The following NAA10 variants were observed in gnomAD, a reference collection of about 807,000 sequenced individuals.
NAA10 encodes the protein N-alpha-acetyltransferase 10.
Under a neutral mutation model 19.2 loss-of-function variants are expected in NAA10, and 6 were observed. That is an observed-to-expected ratio of 0.31 (90% CI 0.17 to 0.62). The LOEUF is 0.62. Among genes scored for constraint, NAA10 ranks in the 20% least tolerant of loss-of-function variants. NAA10 has a pLI of 0.83. For missense variants in NAA10, 101 were observed against 198.4 expected, an observed-to-expected ratio of 0.51 and a Z score of 2.95; for synonymous variants, 97 against 79.9, an observed-to-expected ratio of 1.21 and a Z score of -1.14.
intron 3 of NAA10, 65 bp from the exon 4 acceptor site, chrX:153,932,649 C>T (rs1312378989): frequency 9.6e-7 from 1 of 1,045,590 alleles, no homozygotes; most frequent in African/African-American, 1.9e-5. Context: ...TCCAGCCCCC[C>T]TGCCATTTGT....
intron 2 of NAA10, 171 bp from the exon 3 acceptor site, chrX:153,934,172 G>T (rs1487253725): frequency 3.6e-6 from 2 of 554,051 alleles, no homozygotes; most frequent in Non-Finnish European, 6.1e-6. Context: ...GAAAGAAGAC[G>T]CAAAGTGGGG....
Position 153,934,386 on chromosome X carries a change from G to C in NAA10, c.111C>G (p.Ser37=). 1 of 1,203,297 alleles carries C rather than the reference G, an allele frequency of 8.3e-7. No individual in the cohort carries two copies. The highest frequency in any genetic ancestry group is 1.1e-6 in the Non-Finnish European group (1 of 889,815). The change falls in exon 2 of 8, where the codon TCC becomes TCG. Residue 37 remains serine, a synonymous_variant. Coordinates refer to ENST00000464845, the MANE Select transcript of NAA10 (RefSeq NM_003491.4). The part of the protein sequence containing the change: ...QMKYYFYHGL[S]WPQLSYIAED... Reference sequence around the variant, plus strand: ...TTCAGAAGCTGCCCACCTGGGGCCAGGAAAGGCCATGGTAGAAGTAGTATT... The same window carrying C: ...TTCAGAAGCTGCCCACCTGGGGCCACGAAAGGCCATGGTAGAAGTAGTATT...
chrX:153,934,650 G>A (rs2065186627), intron 1 of NAA10, 175 bp from the exon 2 acceptor site: 2 of 563,687 alleles, frequency 3.5e-6, no homozygotes, highest in Admixed American at 5.4e-5. Flanking sequence ...GCGCCCCGGA[G>A]GTCCCCGGAG....
chrX:153,931,426 C>A, intron 6 of NAA10: 1 of 813,431 alleles, frequency 1.2e-6, no homozygotes, highest in South Asian at 4.7e-5. Context: ...AGCCCAGAGG[C>A]CACCGCCCTT....
intron 1 of NAA10, 48 bp downstream of exon 1, chrX:153,934,836 G>A (rs1368667866): frequency 1.0e-5 from 10 of 978,721 alleles, no homozygotes; most frequent in Non-Finnish European, 1.2e-5. Flanking sequence ...GCAGCCACCC[G>A]GCCCGGCGCC....
intron 2 of NAA10, 167 bp downstream of exon 2, chrX:153,934,210 G>A: frequency 1.8e-6 from 1 of 558,349 alleles, no homozygotes; most frequent in South Asian, 2.6e-5. Context: ...TGCTCCCTTC[G>A]GGCGCCTTCT....
intron 3 of NAA10, chrX:153,932,890 A>G: frequency 2.9e-6 from 1 of 339,606 alleles, no homozygotes; most frequent in East Asian, 5.4e-5. Context: ...CTCTACAAAA[A>G]AAAAATCAAA....
At chrX:153,934,082 G>A in intron 2 of NAA10, 81 bp from the exon 3 acceptor site, 1 of 947,650 alleles carries the variant, frequency 1.1e-6, no homozygotes, top group Non-Finnish European at 1.5e-6. Flanking sequence ...TGGACGAGTG[G>A]CGAGTTGTGT....
At chrX:153,930,713 T>A (rs1557107251) in intron 7 of NAA10, 50 bp downstream of exon 7, 3 of 1,170,496 alleles carry the variant, frequency 2.6e-6, no homozygotes, top group Non-Finnish European at 3.5e-6. Context: ...GTCTTGGGGC[T>A]CCTGAGTGCC....
intron 1 of NAA10, 170 bp downstream of exon 1, chrX:153,934,714 C>A: frequency 1.6e-5 from 10 of 631,180 alleles, no homozygotes; most frequent in Non-Finnish European, 1.9e-5. Context: ...GCAGCCCCGG[C>A]CCCGCGCCCC....
At chrX:153,931,389 G>T in intron 6 of NAA10, 1 of 823,979 alleles carries the variant, frequency 1.2e-6, no homozygotes, top group African/African-American at 2.2e-5. Context: ...TCGTCATCTG[G>T]GTCACAGATC....
Position 153,934,899 on chromosome X carries a change from G to A in NAA10, c.6C>T (p.Asn2=), listed in dbSNP as rs1557108104. The A allele has an allele frequency of 3.0e-6, 3 of 1,008,636 alleles. No individual in the cohort carries two copies. The highest frequency in any genetic ancestry group is 2.0e-5 in the African/African-American group (1 of 50,220). 83.1% of individuals were successfully genotyped at this position (1,008,636 alleles called of 1,213,427 possible). A position where few individuals can be genotyped will look rare whatever the true frequency, so the allele number is the denominator to read the frequency against. The change falls in exon 1 of 8, where the codon AAC becomes AAT. Residue 2 remains asparagine, a synonymous_variant. Coordinates refer to ENST00000464845, the MANE Select transcript of NAA10 (RefSeq NM_003491.4). ...GGGCGCTCACCCTCGCATTGCGGAT[G>A]TTCATAACGGCGGCGGGGCTCGCGG... M[N]IRNARPEDLM... is the part of the protein sequence containing the mutation.
At position 153,934,467 on chromosome X, in the gene NAA10, G is replaced by A; in HGVS notation, c.30C>T (p.Asp10=). 1 of 1,199,077 alleles carries A rather than the reference G, an allele frequency of 8.3e-7. No individual in the cohort carries two copies. The highest frequency in any genetic ancestry group is 1.1e-6 in the Non-Finnish European group (1 of 887,255). Residue 10 remains aspartate, a synonymous_variant, in exon 2 of 8, where the codon GAC becomes GAT. Transcript: ENST00000464845. MNIRNARPE[D]LMNMQHCNLL... is the part of the protein sequence containing the mutation. ...GGTTGCAGTGCTGCATGTTCATTAG[G>A]TCCTCTGGCTGCAGGGAAGGAGGGC...
At chrX:153,934,539 C>T in intron 1 of NAA10, 64 bp from the exon 2 acceptor site, 1 of 914,922 alleles carries the variant, frequency 1.1e-6, no homozygotes, top group Non-Finnish European at 1.6e-6. Flanking sequence ...GGGTGAGAAG[C>T]CTGCTCCCCG....
rs1472485628 is a variant in NAA10, at chrX:153,929,747, T to C, written c.*240A>G. ...TCTCTCCCATAAGTCCAGGGCCTCC[T>C]TCCCCGGGGCCACAGCTGCTGAAGG... is the stretch of plus-strand genomic sequence containing the variant. On this transcript the variant is annotated 3_prime_UTR_variant, in exon 8 of 8. Transcript: ENST00000464845. 5 of 426,942 alleles carry C rather than the reference T, an allele frequency of 1.2e-5. No homozygotes were observed. In the East Asian group the frequency reaches 1.9e-4, roughly 16 times the overall value. The allele number at this position is 426,942 out of a possible 1,213,427, so 35.2% of individuals were successfully genotyped here. A position where few individuals can be genotyped will look rare whatever the true frequency, so the allele number is the denominator to read the frequency against.
At chrX:153,931,637 C>T (rs1184063977) in intron 6 of NAA10, 13 of 852,517 alleles carry the variant, frequency 1.5e-5, no homozygotes, top group Non-Finnish European at 1.9e-5. Flanking sequence ...CACTAGGCTG[C>T]CTGGCCACTG....
At chrX:153,930,393 C>T (rs2065159760) in intron 7 of NAA10, 170 bp from the exon 8 acceptor site, 4 of 507,311 alleles carry the variant, frequency 7.9e-6, no homozygotes, top group South Asian at 2.7e-5. Flanking sequence ...CCCAGTCCAC[C>T]GCTACCTGGG....
At position 153,932,442 on chromosome X, in the gene NAA10, A is replaced by G. The variant is rs782177716; in HGVS notation, c.226-11T>C. The G allele has an allele frequency of 4.1e-6, 5 of 1,207,074 alleles. No individual in the cohort carries two copies. The Admixed American group carries it at 1.1e-4, about 26-fold the overall frequency. ...GGAACGCTTCACAGCCTGGTGGGAG[A>G]AGAGCAGAGATGGGGTGAGGGACTG... On this transcript the variant is annotated splice_polypyrimidine_tract_variant and intron_variant, in intron 4 of 7. Coordinates refer to ENST00000464845, the MANE Select transcript of NAA10 (RefSeq NM_003491.4).
chrX:153,933,903 CA>C, intron 3 of NAA10, 39 bp downstream of exon 3: 1 of 1,143,139 alleles, frequency 8.7e-7, no homozygotes, highest in East Asian at 3.0e-5. Context: ...AGGCATCCAC[CA>C]GACACGTGTA....
Sources: allele counts gnomAD v4.1 joint callset, GRCh38; gene constraint gnomAD v4.1.1; transcripts MANE v1.5; gene names NCBI Gene and HGNC (gene_info 2026-07-23, HGNC 2026-07-21).